Variants in MAST4 observed in about 807,000 individuals in gnomAD.
MAST4 encodes microtubule associated serine/threonine kinase family member 4.
MAST4 carries 89 observed loss-of-function variants against 162.7 expected under a neutral mutation model. The ratio of observed to expected loss-of-function variants is 0.55; its 90% CI spans 0.46 to 0.65. The LOEUF is 0.65. MAST4 is among the 30% of genes least tolerant of loss of function. The pLI is 0.00. For missense variants in MAST4, 3,153 were observed against 3,374.0 expected, an observed-to-expected ratio of 0.93 and a Z score of 1.62; for synonymous variants, 1,479 against 1,361.1, an observed-to-expected ratio of 1.09 and a Z score of -1.91.
rs975389900 is a variant in MAST4, at chr5:66,650,110, C to G, written c.363+53092C>G. On this transcript the variant is annotated intron_variant, in intron 1 of 28. Coordinates refer to ENST00000403625, the MANE Select transcript of MAST4 (RefSeq NM_001164664.2). ...GAATAACACTGTCACCTAAGTCAGC[C>G]TATTCAATAAACATTTATTCTCAGA... Among the ~76,000 whole-genome samples, 3 of 152,104 alleles carry G rather than the reference C, an allele frequency of 2.0e-5. No homozygotes were observed. In the South Asian group the frequency reaches 6.2e-4, roughly 32 times the overall value.
At chr5:67,039,641 G>GC (rs1756475535) in intron 4 of MAST4, among the ~76,000 whole-genome samples, 1 of 152,172 alleles carries the variant, frequency 6.6e-6, no homozygotes, top group Admixed American at 6.6e-5. Context: ...AGGCAGGCAG[G>GC]AGATCTGAAA....
chr5:66,963,818 G>T, intron 4 of MAST4: 4 of 778,508 alleles, frequency 5.1e-6, no homozygotes, highest in Non-Finnish European at 4.8e-6. Flanking sequence ...GCCCAGGGCT[G>T]CTTTGTCTTT....
At chr5:67,094,715 C>T (rs1370554329) in intron 6 of MAST4, among the ~76,000 whole-genome samples, 1 of 152,100 alleles carries the variant, frequency 6.6e-6, no homozygotes, top group Non-Finnish European at 1.5e-5. Flanking sequence ...AGTATTGTTT[C>T]TACTGCTGCA....
At chr5:66,713,949 C>A (rs1750656333) in intron 1 of MAST4, among the ~76,000 whole-genome samples, 4 of 152,084 alleles carry the variant, frequency 2.6e-5, no homozygotes, top group Admixed American at 1.3e-4. Flanking sequence ...TCATAAATAC[C>A]TTATATATAT....
intron 1 of MAST4, among the ~76,000 whole-genome samples, chr5:66,695,531 G>GT (rs1249390817): frequency 1.3e-5 from 2 of 151,756 alleles, no homozygotes; most frequent in African/African-American, 2.4e-5. Context: ...TTTTAAAGTA[G>GT]TTTTTTTTCT....
Position 66,603,372 on chromosome 5 carries a change from CT to C in MAST4, c.363+6355del, listed in dbSNP as rs371010713. Among the ~76,000 whole-genome samples, 665 of 152,306 alleles carry C rather than the reference CT, an allele frequency of 4.4e-3. 17 individuals are homozygous for C. The South Asian group carries it at 0.062, about 14-fold the overall frequency. On this transcript the variant is annotated intron_variant, in intron 1 of 28. Coordinates refer to ENST00000403625, the MANE Select transcript of MAST4 (RefSeq NM_001164664.2). The stretch of plus-strand genomic sequence containing the variant: ...ATTTTATGAACATGTAAATTACTAG[CT>C]GCACCCAGAGATTTAGTCAGAAGGC...
intron 3 of MAST4, among the ~76,000 whole-genome samples, chr5:66,861,157 G>A (rs1760087377): frequency 6.6e-6 from 1 of 152,248 alleles, no homozygotes; most frequent in Non-Finnish European, 1.5e-5. Context: ...CGAGGTATCA[G>A]TGGTCCCACA....
chr5:66,963,620 T>TATCATTAAAA, intron 4 of MAST4: 1 of 754,352 alleles, frequency 1.3e-6, no homozygotes, highest in Non-Finnish European at 2.5e-6. Flanking sequence ...GATTCTGGCC[T>TATCATTAAAA]AAAGGGAACA....
At chr5:67,053,061 T>C (rs572890670) in intron 4 of MAST4, among the ~76,000 whole-genome samples, 1 of 152,342 alleles carries the variant, frequency 6.6e-6, no homozygotes, top group South Asian at 2.1e-4. Context: ...ATCAAAAGTC[T>C]ATTCTTATTA....
intron 1 of MAST4, among the ~76,000 whole-genome samples, chr5:66,601,943 T>TG (rs984317034): frequency 2.0e-5 from 3 of 152,030 alleles, no homozygotes; most frequent in African/African-American, 7.2e-5. Flanking sequence ...GCAAATTGTG[T>TG]GGGGGTGAGA....
chr5:66,816,764 C>A (rs1481143217), intron 3 of MAST4, among the ~76,000 whole-genome samples: 1 of 152,188 alleles, frequency 6.6e-6, no homozygotes, highest in African/African-American at 2.4e-5. Context: ...TCCTCTACCC[C>A]ACTTAGAATT....
At chr5:66,861,807 C>T (rs1008988657) in intron 3 of MAST4, among the ~76,000 whole-genome samples, 2 of 152,016 alleles carry the variant, frequency 1.3e-5, no homozygotes. Flanking sequence ...ATCCATATAC[C>T]CCACCCTAGA....
At chr5:66,828,765 T>C (rs1304030643) in intron 3 of MAST4, 114 of 1,564,328 alleles carry the variant, frequency 7.3e-5, no homozygotes, top group South Asian at 7.1e-5. Flanking sequence ...GCTGCCGGGC[T>C]CTGAATTAGC....
At position 66,616,217 on chromosome 5, in the gene MAST4, AC is replaced by A. The variant is rs777129501; in HGVS notation, c.363+19200del. On this transcript the variant is annotated intron_variant, in intron 1 of 28. Coordinates refer to ENST00000403625, the MANE Select transcript of MAST4 (RefSeq NM_001164664.2). ...TAGGAAAGAGGTCCGTCACTTTATT[AC>A]GTGGATCACAGGCAGGTGTGGTGCA... Among the ~76,000 whole-genome samples, 3 of 152,304 alleles carry A rather than the reference AC, an allele frequency of 2.0e-5. No individual in the cohort carries two copies. The East Asian group carries it at 5.8e-4, about 29-fold the overall frequency.
intron 2 of MAST4, among the ~76,000 whole-genome samples, chr5:66,785,335 T>G (rs191655896): frequency 6.6e-6 from 1 of 152,358 alleles, no homozygotes. Context: ...GGTGCTTTTC[T>G]CTTTATAAAT....
At chr5:66,991,267 A>T (rs1240551816) in intron 4 of MAST4, among the ~76,000 whole-genome samples, 2 of 152,178 alleles carry the variant, frequency 1.3e-5, no homozygotes, top group African/African-American at 2.4e-5. Flanking sequence ...GCTCATATTT[A>T]CGAAATGCCA....
At chr5:66,719,752 G>A (rs1484461259) in intron 1 of MAST4, among the ~76,000 whole-genome samples, 1 of 151,014 alleles carries the variant, frequency 6.6e-6, no homozygotes. Context: ...ATTGAAATTT[G>A]GGCAAACACT....
At chr5:67,072,311 A>G (rs527859851) in intron 5 of MAST4, among the ~76,000 whole-genome samples, 120 of 152,324 alleles carry the variant, frequency 7.9e-4, no homozygotes, top group African/African-American at 2.7e-3. Context: ...AGCGTGTCAA[A>G]TGTTCATCTG....
At chr5:67,011,161 G>T (rs1320726547) in intron 4 of MAST4, among the ~76,000 whole-genome samples, 1 of 152,074 alleles carries the variant, frequency 6.6e-6, no homozygotes, top group Non-Finnish European at 1.5e-5. Flanking sequence ...TTACTGTAAA[G>T]CCCTGACCGA....
Sources: allele counts gnomAD v4.1 joint callset (sites outside exome capture counted in the v4.1 genomes callset), GRCh38; gene constraint gnomAD v4.1.1; transcripts MANE v1.5; gene names NCBI Gene and HGNC (gene_info 2026-07-23, HGNC 2026-07-21).